Variants in ATXN1 observed in about 807,000 individuals in gnomAD.
ATXN1 encodes the protein ataxin-1.
ATXN1 carries 8 observed loss-of-function variants against 56.4 expected under a neutral mutation model. The observed-to-expected ratio is 0.14, with a 90% CI of 0.08 to 0.26. ATXN1 has a LOEUF of 0.26. ATXN1 is among the 10% of genes least tolerant of loss of function. The probability of loss-of-function intolerance (pLI) is 1.00; values close to 1 mark genes in which losing one functional copy is unlikely to be tolerated. For missense variants in ATXN1, 987 were observed against 1,106.5 expected (o/e 0.89, Z 1.53); for synonymous variants, 514 against 494.6 (o/e 1.04, Z -0.52).
At chr6:16,601,207 A>C (rs1762905040) in intron 3 of ATXN1, among the ~76,000 whole-genome samples, 1 of 152,250 alleles carries the variant, frequency 6.6e-6, no homozygotes. Flanking sequence ...TGTTAAATTC[A>C]TGTGTAATTT....
chr6:16,467,291 C>T (rs935255230), intron 6 of ATXN1, among the ~76,000 whole-genome samples: 2 of 152,094 alleles, frequency 1.3e-5, no homozygotes, highest in Admixed American at 6.5e-5. Flanking sequence ...GCAGAAACAC[C>T]CCATGATGCA....
At chr6:16,742,725 C>T (rs374057275) in intron 2 of ATXN1, among the ~76,000 whole-genome samples, 6 of 152,160 alleles carry the variant, frequency 3.9e-5, no homozygotes, top group East Asian at 1.9e-4. Flanking sequence ...GTCACCCGGC[C>T]GGCCAACTCA....
intron 6 of ATXN1, among the ~76,000 whole-genome samples, chr6:16,448,143 T>G (rs1401737212): frequency 6.6e-6 from 1 of 152,220 alleles, no homozygotes; most frequent in Non-Finnish European, 1.5e-5. Flanking sequence ...CCCAACTATG[T>G]GAAACCCTCC....
chr6:16,485,043 T>C (rs1036295395), intron 6 of ATXN1: 1 of 151,662 alleles, frequency 6.6e-6, no homozygotes, highest in Non-Finnish European at 1.5e-5. Context: ...TACAGAAATA[T>C]ATGTATTTAT....
intron 5 of ATXN1, among the ~76,000 whole-genome samples, chr6:16,486,965 T>C (rs1293506032): frequency 6.6e-6 from 1 of 152,014 alleles, no homozygotes; most frequent in Admixed American, 6.6e-5. Context: ...TAACTTTTTG[T>C]TTATTTGCTG....
intron 7 of ATXN1, among the ~76,000 whole-genome samples, chr6:16,309,164 G>T (rs1760327050): frequency 6.6e-6 from 1 of 150,860 alleles, no homozygotes; most frequent in South Asian, 2.1e-4. Flanking sequence ...GGAGTTAGAG[G>T]TTGCAGTGAG....
chr6:16,567,941 T>G (rs560996286), intron 4 of ATXN1, among the ~76,000 whole-genome samples: 1 of 151,952 alleles, frequency 6.6e-6, no homozygotes, highest in African/African-American at 2.4e-5. Flanking sequence ...TAAAGTATTT[T>G]CCTTCCATGT....
At chr6:16,759,822 C>G (rs559025110) in intron 1 of ATXN1, among the ~76,000 whole-genome samples, 128 of 152,116 alleles carry the variant, frequency 8.4e-4, no homozygotes, top group African/African-American at 2.8e-3. Context: ...CAGTCAGCCC[C>G]CTACGTGGTC....
chr6:16,424,458 C>T (rs747594490), intron 6 of ATXN1, among the ~76,000 whole-genome samples: 10 of 152,116 alleles, frequency 6.6e-5, no homozygotes, highest in Admixed American at 2.0e-4. Context: ...GGCAAACCTT[C>T]GGCTATTTAA....
chr6:16,419,965 C>T (rs77855830), intron 6 of ATXN1, among the ~76,000 whole-genome samples: 3,387 of 152,234 alleles, frequency 0.022, 54 homozygotes, highest in Non-Finnish European at 0.036. Flanking sequence ...GGCCATGATC[C>T]GAGGGCATTT....
intron 6 of ATXN1, among the ~76,000 whole-genome samples, chr6:16,341,407 A>C (rs1761245378): frequency 6.6e-6 from 1 of 152,092 alleles, no homozygotes; most frequent in South Asian, 2.1e-4. Flanking sequence ...TCTACCCCAG[A>C]CCAACTGAAT....
At chr6:16,669,927 C>A (rs909615551) in intron 2 of ATXN1, among the ~76,000 whole-genome samples, 1 of 152,080 alleles carries the variant, frequency 6.6e-6, no homozygotes, top group Non-Finnish European at 1.5e-5. Context: ...CCTGTCCTCA[C>A]TCCTGAGCAC....
intron 2 of ATXN1, among the ~76,000 whole-genome samples, chr6:16,697,864 C>G (rs1234594393): frequency 6.6e-6 from 1 of 152,198 alleles, no homozygotes; most frequent in African/African-American, 2.4e-5. Flanking sequence ...GACATGGATA[C>G]TGTTTTCACC....
intron 6 of ATXN1, among the ~76,000 whole-genome samples, chr6:16,399,021 G>C (rs1758512104): frequency 6.6e-6 from 1 of 152,162 alleles, no homozygotes; most frequent in South Asian, 2.1e-4. Context: ...TCCGTCTCAC[G>C]ACTCCAGCCA....
Position 16,760,368 on chromosome 6 carries a change from CG to C in ATXN1, c.-730+929del, listed in dbSNP as rs1203837424. Among the ~76,000 whole-genome samples the C allele has an allele frequency of 6.6e-6, 1 of 151,788 alleles. No homozygotes were observed. The highest frequency in any genetic ancestry group is 1.9e-4 in the East Asian group (1 of 5,136). ...CCTCGTCTCCTGCCGCGGGTGCTGG[CG>C]GGGGCGCCGGCCCGGACTGGGGCGC... On this transcript the variant is annotated intron_variant, in intron 1 of 7. Coordinates refer to ENST00000436367, the MANE Select transcript of ATXN1 (RefSeq NM_001128164.2). This position sits in a 1 kb window ranked among gnomAD's most constrained non-coding sequence, Gnocchi z 5.3.
chr6:16,486,529 G>A (rs942431814), intron 5 of ATXN1, among the ~76,000 whole-genome samples: 1 of 152,154 alleles, frequency 6.6e-6, no homozygotes, highest in Non-Finnish European at 1.5e-5. Context: ...CTATGTTAAT[G>A]CAAAGCGTTG....
At chr6:16,638,194 C>T (rs899067257) in intron 3 of ATXN1, among the ~76,000 whole-genome samples, 2 of 151,848 alleles carry the variant, frequency 1.3e-5, no homozygotes, top group African/African-American at 4.8e-5. Context: ...CCTGTAATCC[C>T]AGAACTTTGG....
intron 6 of ATXN1, among the ~76,000 whole-genome samples, chr6:16,434,294 T>G (rs900478129): frequency 8.5e-5 from 13 of 152,200 alleles, no homozygotes; most frequent in Non-Finnish European, 2.9e-5. Flanking sequence ...TCAACCCCTT[T>G]CCTTCTTCAC....
chr6:16,314,096 G>C (rs1194856914), intron 7 of ATXN1, among the ~76,000 whole-genome samples: 1 of 152,216 alleles, frequency 6.6e-6, no homozygotes, highest in Non-Finnish European at 1.5e-5. Flanking sequence ...AGATCGGATA[G>C]CTTGCCAGCC....
Sources: gnomAD v4.1 joint callset for allele counts (sites outside exome capture counted in the v4.1 genomes callset) on GRCh38, gnomAD v4.1.1 for gene constraint, Gnocchi (gnomAD v3.1) non-coding constraint, MANE v1.5 for transcripts, NCBI Gene and HGNC (gene_info 2026-07-23, HGNC 2026-07-21) for gene names.